The following MLLT10 variants were observed in gnomAD, a reference collection of about 807,000 sequenced individuals.
The protein encoded by MLLT10 is MLLT10 histone lysine methyltransferase DOT1L cofactor.
MLLT10 carries 30 observed loss-of-function variants against 129.1 expected under a neutral mutation model. That is an observed-to-expected ratio of 0.23 (90% CI 0.17 to 0.32). MLLT10 has a LOEUF of 0.32. Among genes scored for constraint, MLLT10 ranks in the 10% least tolerant of loss-of-function variants. The pLI, the probability that MLLT10 is intolerant of heterozygous loss-of-function variation, is 1.00. For missense variants in MLLT10, 1,119 were observed against 1,268.3 expected (o/e 0.88, Z 1.79); for synonymous variants, 490 against 446.4 (o/e 1.10, Z -1.23).
chr10:21,652,764 T>C (rs1194795643), intron 9 of MLLT10, among the ~76,000 whole-genome samples: 1 of 152,182 alleles, frequency 6.6e-6, no homozygotes, highest in Non-Finnish European at 1.5e-5. Context: ...CTGGCTGCTT[T>C]GTTTTGGACA....
intron 13 of MLLT10, among the ~76,000 whole-genome samples, chr10:21,695,196 A>G (rs574299492): frequency 2.0e-5 from 3 of 151,852 alleles, no homozygotes; most frequent in East Asian, 1.9e-4. Context: ...CAGCCTCCCA[A>G]GTAGCTGGGA....
At chr10:21,692,239 A>T (rs983215314) in intron 13 of MLLT10, among the ~76,000 whole-genome samples, 4 of 152,024 alleles carry the variant, frequency 2.6e-5, no homozygotes, top group Admixed American at 6.6e-5. Context: ...TGTACAAAAT[A>T]TGAAAAGACT....
At chr10:21,733,217 G>C in intron 18 of MLLT10, 130 bp downstream of exon 18, 1 of 899,352 alleles carries the variant, frequency 1.1e-6, no homozygotes. Flanking sequence ...TGTTTTTGAA[G>C]GGCATAAAGA....
chr10:21,644,071 C>T (rs2048261807), intron 8 of MLLT10, among the ~76,000 whole-genome samples: 1 of 152,026 alleles, frequency 6.6e-6, no homozygotes, highest in Admixed American at 6.6e-5. Context: ...TAGTCTTAAC[C>T]TTATTACTTT....
intron 8 of MLLT10, among the ~76,000 whole-genome samples, chr10:21,623,125 C>T (rs546041415): frequency 2.6e-5 from 4 of 152,178 alleles, no homozygotes; most frequent in Admixed American, 6.5e-5. Context: ...GTTCACTGAT[C>T]AGGAAGCTCT....
intron 13 of MLLT10, among the ~76,000 whole-genome samples, chr10:21,695,585 T>C (rs985973735): frequency 1.3e-5 from 2 of 152,240 alleles, no homozygotes; most frequent in African/African-American, 4.8e-5. Context: ...TATCTTATAA[T>C]ATTTATTTGC....
intron 13 of MLLT10, among the ~76,000 whole-genome samples, chr10:21,708,168 AAAGG>A (rs1002775676): frequency 2.2e-4 from 33 of 152,138 alleles, no homozygotes; most frequent in African/African-American, 3.9e-4. Context: ...TTGTTTGATG[AAAGG>A]AAGGAAGGAA....
Position 21,558,012 on chromosome 10 carries a change from C to T in MLLT10, c.240+19100C>T, listed in dbSNP as rs1273341370. On this transcript the variant is annotated intron_variant, in intron 3 of 22. Coordinates refer to ENST00000307729, the MANE Select transcript of MLLT10 (RefSeq NM_001195626.3). ...TTGCCCAGGCTGGAGTACAGTGGTG[C>T]GATCTGGGCTCACTGCAACCCCTGC... is the stretch of plus-strand genomic sequence containing the variant. 7.1e-5 allele frequency among the ~76,000 whole-genome samples: 9 copies of T among 127,596 alleles called. No homozygotes were observed. The Admixed American group carries it at 7.9e-4, about 11-fold the overall frequency. 83.7% of individuals were successfully genotyped at this position (127,596 alleles called of 152,430 possible).
rs865901679 is a variant in MLLT10 at position 21,717,689 on chromosome 10, C to T, written c.1878+3739C>T. The stretch of plus-strand genomic sequence containing the variant: ...CTTCCTCCTCCTCTTCCTCCTCCTC[C>T]TCCTCCTCCTCTTCCTCCTCCTCCT... On this transcript the variant is annotated intron_variant, in intron 14 of 22. Coordinates refer to ENST00000307729, the MANE Select transcript of MLLT10 (RefSeq NM_001195626.3). Among the ~76,000 whole-genome samples the T allele has an allele frequency of 7.0e-3, 713 of 101,792 alleles. 1 individual carries two copies. The highest frequency in any genetic ancestry group is 0.023 in the African/African-American group (399 of 17,602). The allele number at this position is 101,792 out of a possible 152,430, so 66.8% of individuals were successfully genotyped here. A position where few individuals can be genotyped will look rare whatever the true frequency, so the allele number is the denominator to read the frequency against.
chr10:21,539,153 C>T (rs1411552344), intron 3 of MLLT10, among the ~76,000 whole-genome samples: 2 of 152,076 alleles, frequency 1.3e-5, no homozygotes, highest in Admixed American at 1.3e-4. Flanking sequence ...CATATTTGGG[C>T]TTTGTTAACT....
intron 3 of MLLT10, among the ~76,000 whole-genome samples, chr10:21,580,305 G>A (rs896075476): frequency 9.2e-5 from 14 of 151,786 alleles, no homozygotes; most frequent in Middle Eastern, 3.4e-3. Flanking sequence ...ACAATATAAC[G>A]GAAATGGTAT....
intron 9 of MLLT10, among the ~76,000 whole-genome samples, chr10:21,669,791 C>CCTT (rs1364884165): frequency 6.6e-6 from 1 of 152,116 alleles, no homozygotes; most frequent in Non-Finnish European, 1.5e-5. Flanking sequence ...CATCTTTTTA[C>CCTT]CTTAACAAAT....
intron 3 of MLLT10, chr10:21,557,902 A>G (rs2038245861): frequency 6.6e-6 from 1 of 151,462 alleles, no homozygotes; most frequent in South Asian, 2.1e-4. Flanking sequence ...CAGAAAAACA[A>G]TAGATGTCTA....
intron 18 of MLLT10, 152 bp from the exon 19 acceptor site, chr10:21,733,352 T>C: frequency 1.8e-6 from 1 of 563,752 alleles, no homozygotes; most frequent in South Asian, 4.1e-5. Context: ...GATTTTTTTT[T>C]CTTATTTAAA....
Position 21,730,996 on chromosome 10 carries a change from G to A in MLLT10, c.2160G>A (p.Leu720=). ...PPVAASIEQL[L]ERQWSEGQQF... is the part of the protein sequence containing the mutation. ...TAGCAGCCAGCATAGAACAGCTTTT[G>A]GAGAGGCAGTGGAGTGAAGGACAGC... The change falls in exon 17 of 23, where the codon TTG becomes TTA. Residue 720 remains leucine, a synonymous_variant. Coordinates refer to ENST00000307729, the MANE Select transcript of MLLT10 (RefSeq NM_001195626.3). The A allele has an allele frequency of 1.2e-6, 2 of 1,614,136 alleles. No individual in the cohort carries two copies. The highest frequency in any genetic ancestry group is 1.7e-5 in the Admixed American group (1 of 60,024).
chr10:21,727,669 G>T (rs184789345), intron 15 of MLLT10, among the ~76,000 whole-genome samples, 187 bp from the exon 16 acceptor site: 1 of 152,172 alleles, frequency 6.6e-6, no homozygotes, highest in Non-Finnish European at 1.5e-5. Context: ...AACGTGTAGG[G>T]ACAACGCCTT....
chr10:21,723,576 A>G (rs1339068483), intron 14 of MLLT10, among the ~76,000 whole-genome samples: 1 of 152,184 alleles, frequency 6.6e-6, no homozygotes, highest in Non-Finnish European at 1.5e-5. Context: ...TTATAAAGTT[A>G]ATAATAAACT....
intron 9 of MLLT10, among the ~76,000 whole-genome samples, chr10:21,661,457 A>G (rs1259984467): frequency 6.6e-6 from 1 of 152,218 alleles, no homozygotes; most frequent in East Asian, 1.9e-4. Context: ...TCACATACAC[A>G]TTAAGGATTG....
chr10:21,546,711 G>T (rs1372756942), intron 3 of MLLT10, among the ~76,000 whole-genome samples: 2 of 151,628 alleles, frequency 1.3e-5, no homozygotes, highest in Non-Finnish European at 2.9e-5. Flanking sequence ...GGGCTTGCAG[G>T]TGCCCGCCAC....
Sources: gnomAD v4.1 joint callset for allele counts (sites outside exome capture counted in the v4.1 genomes callset) on GRCh38, gnomAD v4.1.1 for gene constraint, MANE v1.5 for transcripts, NCBI Gene and HGNC (gene_info 2026-07-23, HGNC 2026-07-21) for gene names.